Variants in PON2 observed in about 807,000 individuals in gnomAD.
PON2 encodes the protein paraoxonase 2.
A neutral mutation model predicts 36.6 loss-of-function variants in PON2; 27 were observed. That is an observed-to-expected ratio of 0.74 (90% CI 0.54 to 1.02). PON2 has a LOEUF of 1.02. PON2 is among the 50% of genes least tolerant of loss of function. The pLI, the probability that PON2 is intolerant of heterozygous loss-of-function variation, is 0.00. For missense variants in PON2, 363 were observed against 421.1 expected, an observed-to-expected ratio of 0.86 and a Z score of 1.21; for synonymous variants, 149 against 156.3, an observed-to-expected ratio of 0.95 and a Z score of 0.35.
In PON2 at chr7:95,411,772, T is replaced by C. The variant is rs1250709350; in HGVS notation, c.375A>G (p.Thr125=). Reference sequence around the variant, plus strand: ...GGTGGTTTACAACAAAGAGATAAACTGTGTCATCTAAAGAATTGAAAGAAC... The same window carrying C: ...GGTGGTTTACAACAAAGAGATAAACCGTGTCATCTAAAGAATTGAAAGAAC... ...GISTFIDNDD[T]VYLFVVNHPE... The change falls in exon 5 of 9, where the codon ACA becomes ACG. Residue 125 remains threonine, a synonymous_variant. Coordinates refer to ENST00000222572, the MANE Select transcript of PON2 (RefSeq NM_000305.3). 1 of 1,613,634 alleles carries C rather than the reference T, an allele frequency of 6.2e-7. No homozygotes were observed. The highest frequency in any genetic ancestry group is 8.5e-7 in the Non-Finnish European group (1 of 1,179,702).
chr7:95,425,277 G>T (rs1158419687), intron 1 of PON2, among the ~76,000 whole-genome samples: 1 of 152,158 alleles, frequency 6.6e-6, no homozygotes, highest in East Asian at 1.9e-4. Flanking sequence ...ACACCAACTA[G>T]TTCTGTAACT....
rs370965743 is a variant in PON2, at chr7:95,419,967, C to A, written c.146-3670G>T. On this transcript the variant is annotated intron_variant, in intron 2 of 8. Transcript: ENST00000222572. ...CTTTACTATACCCAATAGAGCATCC[C>A]ATATGTAACATATTATTTCCTACTT... Among the ~76,000 whole-genome samples, 24 of 152,276 alleles carry A rather than the reference C, an allele frequency of 1.6e-4. No individual in the cohort carries two copies. In the East Asian group the frequency reaches 4.6e-3, roughly 29 times the overall value.
At chr7:95,407,314 A>G (rs1047322476) in intron 6 of PON2, among the ~76,000 whole-genome samples, 1 of 152,206 alleles carries the variant, frequency 6.6e-6, no homozygotes, top group Non-Finnish European at 1.5e-5. Flanking sequence ...AATATAGAAC[A>G]TCATTTTGAA....
At chr7:95,417,947 T>C (rs1035488367) in intron 2 of PON2, among the ~76,000 whole-genome samples, 5 of 152,170 alleles carry the variant, frequency 3.3e-5, no homozygotes, top group African/African-American at 1.2e-4. Flanking sequence ...TTCTACAAAA[T>C]TGTATATTTT....
chr7:95,415,959 T>TA (rs889095170), intron 3 of PON2: 16 of 496,302 alleles, frequency 3.2e-5, no homozygotes, highest in Non-Finnish European at 4.5e-5. Context: ...TCTCAAAAAA[T>TA]AAAAAAAATT....
chr7:95,434,804 G>A, intron 1 of PON2, 74 bp downstream of exon 1: 1 of 1,487,038 alleles, frequency 6.7e-7, no homozygotes, highest in Non-Finnish European at 9.0e-7. Flanking sequence ...CCCCCAGCCT[G>A]CGCCCTCCCC....
At position 95,411,174 on chromosome 7, in the gene PON2, G is replaced by A. The variant is rs181836490; in HGVS notation, c.494+479C>T. On this transcript the variant is annotated intron_variant, in intron 5 of 8. Coordinates refer to ENST00000222572, the MANE Select transcript of PON2 (RefSeq NM_000305.3). ...TCTCAACTTGAGTGGCTCTAATTCT[G>A]TGGGATTACTAGCATGCAACCATCA... Among the ~76,000 whole-genome samples the A allele has an allele frequency of 2.7e-4, 41 of 152,216 alleles. 1 individual carries two copies. The highest frequency in any genetic ancestry group is 2.0e-3 in the Admixed American group (30 of 15,290).
rs780881943 is a variant in PON2, at chr7:95,405,438, A to C, written c.957T>G (p.Val319=). 8.1e-6 allele frequency: 13 copies of C among 1,613,672 alleles called. No homozygotes were observed. The highest frequency in any genetic ancestry group is 9.3e-6 in the Non-Finnish European group (11 of 1,179,622). ...GGAGAACAGACCCATTGTTGGCATA[A>C]ACTGTAGTCACTGTAGGCTTCTCAG... ...ILSEKPTVTT[V]YANNGSVLQG... Residue 319 remains valine (V), a synonymous_variant, in exon 9 of 9, where the codon GTT becomes GTG. Transcript: ENST00000222572.
At chr7:95,415,244 G>C (rs1307332828) in intron 3 of PON2, 2 of 152,142 alleles carry the variant, frequency 1.3e-5, no homozygotes, top group Non-Finnish European at 2.9e-5. Flanking sequence ...GGAGGTAGGT[G>C]GTCAGAACCT....
intron 5 of PON2, among the ~76,000 whole-genome samples, chr7:95,410,318 T>C (rs1457810190): frequency 6.6e-6 from 1 of 152,186 alleles, no homozygotes; most frequent in Non-Finnish European, 1.5e-5. Flanking sequence ...ACACAGGTCA[T>C]TTAGCAATTA....
chr7:95,422,661 A>G (rs1469236950), intron 2 of PON2, among the ~76,000 whole-genome samples: 1 of 152,236 alleles, frequency 6.6e-6, no homozygotes, highest in Non-Finnish European at 1.5e-5. Context: ...AACTTGTTTA[A>G]CAATGTTACC....
chr7:95,410,190 T>A (rs931264180), intron 5 of PON2, 89 bp from the exon 6 acceptor site: 3 of 1,137,112 alleles, frequency 2.6e-6, no homozygotes, highest in Non-Finnish European at 3.9e-6. Context: ...TTATGCAACA[T>A]GTGCTTTAAA....
Position 95,412,806 on chromosome 7 carries a change from A to T in PON2, c.202-329T>A, listed in dbSNP as rs560541709. The T allele has an allele frequency of 3.2e-5, 12 of 376,630 alleles. 1 individual carries two copies. The highest frequency in any genetic ancestry group is 2.8e-4 in the South Asian group (12 of 43,094). 23.3% of individuals were successfully genotyped at this position (376,630 alleles called of 1,614,324 possible). On this transcript the variant is annotated intron_variant, in intron 3 of 8. Transcript: ENST00000222572. ...ACTGTGGAAATTTGTTCACTGCTAG[A>T]TCCCAGTGCCTGGAACAGTGCCTGG... is the stretch of plus-strand genomic sequence containing the variant.
At chr7:95,421,956 A>C (rs17876103) in intron 2 of PON2, among the ~76,000 whole-genome samples, 2,064 of 152,312 alleles carry the variant, frequency 0.014, 52 homozygotes, top group African/African-American at 0.047. Flanking sequence ...TACTGAGTTT[A>C]TTACTGTTGC....
Position 95,405,373 on chromosome 7 carries a change from A to G in PON2, c.1022T>C (p.Leu341Pro). The part of the protein sequence containing the change: ...SVASVYDGKL[L>P]IGTLYHRALY... ...GGCTCTGTGGTATAAAGTGCCTATGAGCAGCTTCCCATCATACACTGAGGC... is the reference window on the plus strand; with the variant it reads ...GGCTCTGTGGTATAAAGTGCCTATGGGCAGCTTCCCATCATACACTGAGGC... Residue 341 changes from leucine (L) to proline (P), a missense_variant, in exon 9 of 9, where the codon CTC becomes CCC. By Grantham distance (98) the Leu-to-Pro change is moderately conservative. Transcript: ENST00000222572. 1.2e-6 allele frequency: 2 copies of G among 1,614,004 alleles called. No homozygotes were observed. The highest frequency in any genetic ancestry group is 1.7e-6 in the Non-Finnish European group (2 of 1,179,886).
At chr7:95,433,297 G>A (rs1789485330) in intron 1 of PON2, among the ~76,000 whole-genome samples, 1 of 151,758 alleles carries the variant, frequency 6.6e-6, no homozygotes, top group Non-Finnish European at 1.5e-5. Flanking sequence ...GTGGGATCTT[G>A]CTATGTTGCC....
intron 1 of PON2, among the ~76,000 whole-genome samples, chr7:95,425,914 C>A (rs1333339561): frequency 1.3e-5 from 2 of 151,832 alleles, no homozygotes; most frequent in African/African-American, 2.4e-5. Flanking sequence ...TTAAATAATA[C>A]AAATTTTTAA....
intron 2 of PON2, 28 bp from the exon 3 acceptor site, chr7:95,416,325 C>T (rs1364912592): frequency 1.2e-6 from 2 of 1,610,502 alleles, no homozygotes; most frequent in African/African-American, 2.7e-5. Context: ...AGATAAATGT[C>T]ATGTTCAAGT....
At chr7:95,430,320 T>G (rs1207857076) in intron 1 of PON2, among the ~76,000 whole-genome samples, 1 of 151,514 alleles carries the variant, frequency 6.6e-6, no homozygotes, top group Non-Finnish European at 1.5e-5. Context: ...TTTTTTTGTT[T>G]TTTTTTTTTT....
Sources: allele counts gnomAD v4.1 joint callset (sites outside exome capture counted in the v4.1 genomes callset), GRCh38; gene constraint gnomAD v4.1.1; transcripts MANE v1.5; gene names NCBI Gene and HGNC (gene_info 2026-07-23, HGNC 2026-07-21).